The following HMCN1 variants were observed in gnomAD, a reference collection of about 807,000 sequenced individuals.
The protein encoded by HMCN1 is hemicentin 1.
In HMCN1, 321 loss-of-function variants were observed where a neutral mutation model predicts 625.9. That is an observed-to-expected ratio of 0.51 (90% CI 0.47 to 0.56). HMCN1 has a LOEUF of 0.56. Ranked by LOEUF, HMCN1 falls within the 20% of genes least tolerant of loss-of-function variation. The pLI is 0.00. For synonymous variants in HMCN1, 2,425 were observed against 2,417.6 expected (o/e 1.00, Z -0.09); for missense variants, 6,588 against 6,887.3 (o/e 0.96, Z 1.54).
At chr1:185,885,395 T>C (rs1036201658) in intron 4 of HMCN1, among the ~76,000 whole-genome samples, 1 of 151,994 alleles carries the variant, frequency 6.6e-6, no homozygotes, top group Non-Finnish European at 1.5e-5. Flanking sequence ...TTGAGTGTTA[T>C]AGTTGAAGCA....
intron 93 of HMCN1, among the ~76,000 whole-genome samples, chr1:186,149,558 T>C (rs936781315): frequency 2.6e-5 from 4 of 152,216 alleles, no homozygotes; most frequent in Non-Finnish European, 5.9e-5. Flanking sequence ...AAAAATAAGG[T>C]TGTTTCACTT....
chr1:186,177,993 GT>G (rs1295148039), intron 103 of HMCN1, among the ~76,000 whole-genome samples: 2 of 151,922 alleles, frequency 1.3e-5, no homozygotes, highest in Non-Finnish European at 2.9e-5. Flanking sequence ...AAATCTTAAT[GT>G]TACTCTTAGA....
chr1:186,087,848 C>A, intron 60 of HMCN1, 84 bp from the exon 61 acceptor site: 1 of 1,300,840 alleles, frequency 7.7e-7, no homozygotes, highest in Non-Finnish European at 1.1e-6. Flanking sequence ...ATACAGATGA[C>A]TGATGATTTA....
At chr1:186,130,161 G>A in intron 84 of HMCN1, 61 bp downstream of exon 84, 2 of 1,604,948 alleles carry the variant, frequency 1.2e-6, no homozygotes, top group Non-Finnish European at 1.7e-6. Context: ...TTCAAGTTTT[G>A]CTTCTTTATT....
intron 1 of HMCN1, among the ~76,000 whole-genome samples, chr1:185,816,934 A>G (rs1659880882): frequency 6.6e-6 from 1 of 151,942 alleles, no homozygotes; most frequent in African/African-American, 2.4e-5. Flanking sequence ...TCCATATCCC[A>G]GTGGAAACTC....
intron 4 of HMCN1, among the ~76,000 whole-genome samples, chr1:185,888,490 G>A (rs1174662266): frequency 7.0e-6 from 1 of 142,614 alleles, no homozygotes; most frequent in African/African-American, 3.0e-5. Context: ...TTTGTATAAG[G>A]TGTAAGGAAG....
At chr1:185,838,198 A>T (rs1162061729) in intron 1 of HMCN1, among the ~76,000 whole-genome samples, 1 of 152,110 alleles carries the variant, frequency 6.6e-6, no homozygotes, top group Admixed American at 6.5e-5. Context: ...TGCTCTTGGC[A>T]GGTCCATTTG....
chr1:185,819,481 A>G lies in HMCN1; in HGVS notation c.269-26545A>G, dbSNP rs560386662. Among the ~76,000 whole-genome samples, 11 of 152,142 alleles carry G rather than the reference A, an allele frequency of 7.2e-5. No individual in the cohort carries two copies. The South Asian group carries it at 2.3e-3, about 32-fold the overall frequency. ...TTCCTCATTGTCCATGAGTTCTCTG[A>G]TATTACCTAAATCTGTGTCCTTCTC... On this transcript the variant is annotated intron_variant, in intron 1 of 106. Coordinates refer to ENST00000271588, the MANE Select transcript of HMCN1 (RefSeq NM_031935.3).
At chr1:186,142,882 G>A (rs1230601408) in intron 89 of HMCN1, among the ~76,000 whole-genome samples, 2 of 152,134 alleles carry the variant, frequency 1.3e-5, no homozygotes, top group Non-Finnish European at 2.9e-5. Context: ...AAGAGGCTGA[G>A]GCTTTTGTTA....
chr1:185,812,294 G>A (rs943297824), intron 1 of HMCN1, among the ~76,000 whole-genome samples: 3 of 151,788 alleles, frequency 2.0e-5, no homozygotes, highest in Non-Finnish European at 4.4e-5. Flanking sequence ...GTTTGATTGA[G>A]AAATGTAACA....
intron 4 of HMCN1, among the ~76,000 whole-genome samples, chr1:185,871,281 G>T (rs906039804): frequency 1.3e-4 from 20 of 150,994 alleles, no homozygotes; most frequent in Non-Finnish European, 1.3e-4. Context: ...AGATGGAAAT[G>T]ATTATTAGAA....
rs1653237924 is a variant in HMCN1, at chr1:186,185,484, AG to A, written c.16415-2398del. ...GCAGTAGGCAAGACTTCACTGAAAAAGTTTGTCCACATTGTGTTTCATTCCT... is the reference window on the plus strand; with the variant it reads ...GCAGTAGGCAAGACTTCACTGAAAAATTTGTCCACATTGTGTTTCATTCCT... On this transcript the variant is annotated intron_variant, in intron 105 of 106. Transcript: ENST00000271588. Among the ~76,000 whole-genome samples the A allele has an allele frequency of 3.3e-5, 5 of 152,342 alleles. No homozygotes were observed. In the East Asian group the frequency reaches 5.8e-4, roughly 18 times the overall value.
At chr1:185,790,497 C>T (rs1330098333) in intron 1 of HMCN1, among the ~76,000 whole-genome samples, 1 of 152,206 alleles carries the variant, frequency 6.6e-6, no homozygotes, top group Admixed American at 6.5e-5. Flanking sequence ...GCAGTTGTGA[C>T]TCTTTCTCTC....
chr1:185,772,798 G>C (rs2102150378), intron 1 of HMCN1, among the ~76,000 whole-genome samples: 1 of 152,152 alleles, frequency 6.6e-6, no homozygotes, highest in South Asian at 2.1e-4. Context: ...GAAGTCCAAG[G>C]TCAAGGTGTT....
intron 105 of HMCN1, 46 bp downstream of exon 105, chr1:186,182,333 C>T: frequency 1.2e-6 from 2 of 1,610,470 alleles, no homozygotes; most frequent in East Asian, 2.2e-5. Flanking sequence ...TGACTAAAAA[C>T]CAACAGAGAG....
At chr1:186,142,256 T>G (rs550188333) in intron 89 of HMCN1, among the ~76,000 whole-genome samples, 1 of 152,290 alleles carries the variant, frequency 6.6e-6, no homozygotes, top group South Asian at 2.1e-4. Flanking sequence ...ACATGCAGTA[T>G]TTGGTTTTCT....
intron 40 of HMCN1, among the ~76,000 whole-genome samples, chr1:186,041,491 C>T (rs1225192153): frequency 2.0e-5 from 3 of 152,106 alleles, no homozygotes; most frequent in African/African-American, 7.2e-5. Flanking sequence ...TACTCAAAGC[C>T]ATGATTTTAT....
rs192999124 is a variant in HMCN1, at chr1:186,051,548, G to A, written c.6578-1404G>A. Among the ~76,000 whole-genome samples, 3 of 152,102 alleles carry A rather than the reference G, an allele frequency of 2.0e-5. No homozygotes were observed. In the East Asian group the frequency reaches 5.8e-4, roughly 30 times the overall value. On this transcript the variant is annotated intron_variant, in intron 42 of 106. Coordinates refer to ENST00000271588, the MANE Select transcript of HMCN1 (RefSeq NM_031935.3). The stretch of plus-strand genomic sequence containing the variant: ...AGCCATGGGGGTAGAGAAGGGTAGA[G>A]TTTAGAATGGAGATCATAAATTTAT...
chr1:186,102,635 C>G (rs1264913170), intron 68 of HMCN1, among the ~76,000 whole-genome samples: 1 of 152,122 alleles, frequency 6.6e-6, no homozygotes, highest in East Asian at 1.9e-4. Context: ...CTATGAGTCA[C>G]TGTTCTAAAC....
Sources: allele counts gnomAD v4.1 joint callset (sites outside exome capture counted in the v4.1 genomes callset), GRCh38; gene constraint gnomAD v4.1.1; transcripts MANE v1.5; gene names NCBI Gene and HGNC (gene_info 2026-07-23, HGNC 2026-07-21).